SLIT3: variants seen among roughly 807,000 people sequenced by gnomAD.
The protein encoded by SLIT3 is slit homolog 3 protein.
SLIT3 carries 68 observed loss-of-function variants against 184.0 expected under a neutral mutation model. That is an observed-to-expected ratio of 0.37 (90% CI 0.30 to 0.45). The LOEUF (loss-of-function observed/expected upper bound fraction) is 0.45. Ranked by LOEUF, SLIT3 falls within the 20% of genes least tolerant of loss-of-function variation. SLIT3 has a pLI of 1.00. For missense variants in SLIT3, 1,707 were observed against 2,026.0 expected, an observed-to-expected ratio of 0.84 and a Z score of 3.02; for synonymous variants, 831 against 828.6, an observed-to-expected ratio of 1.00 and a Z score of -0.05.
chr5:169,040,702 G>A lies in SLIT3; in HGVS notation c.413+152777C>T, dbSNP rs930584077. The stretch of plus-strand genomic sequence containing the variant: ...GTCTTACCGATGTAGTAAGCTTTGC[G>A]TGATGGCACTGGATTAAAAATCTCC... On this transcript the variant is annotated intron_variant, in intron 4 of 35. Coordinates refer to ENST00000519560, the MANE Select transcript of SLIT3 (RefSeq NM_003062.4). 6.6e-5 allele frequency among the ~76,000 whole-genome samples: 10 copies of A among 152,176 alleles called. No homozygotes were observed. In the South Asian group the frequency reaches 1.4e-3, roughly 22 times the overall value.
chr5:169,194,868 G>A (rs1050986104), intron 3 of SLIT3, among the ~76,000 whole-genome samples: 1 of 152,184 alleles, frequency 6.6e-6, no homozygotes. Flanking sequence ...CTCCATGAAG[G>A]CTGCTTTCTT....
At chr5:169,090,134 G>T (rs1401500531) in intron 4 of SLIT3, among the ~76,000 whole-genome samples, 1 of 152,170 alleles carries the variant, frequency 6.6e-6, no homozygotes, top group African/African-American at 2.4e-5. Flanking sequence ...AAAGGGAACG[G>T]GTGATGTTAC....
chr5:168,762,912 C>T (rs1029961326), intron 14 of SLIT3, among the ~76,000 whole-genome samples: 1 of 152,152 alleles, frequency 6.6e-6, no homozygotes, highest in Non-Finnish European at 1.5e-5. Context: ...TATTCATCAC[C>T]ATCCTCAGGA....
intron 4 of SLIT3, among the ~76,000 whole-genome samples, chr5:169,077,091 C>G (rs1758773667): frequency 6.6e-6 from 1 of 152,164 alleles, no homozygotes; most frequent in South Asian, 2.1e-4. Flanking sequence ...AGAACAAACT[C>G]TCCTCTTCTT....
intron 4 of SLIT3, among the ~76,000 whole-genome samples, chr5:169,128,066 C>G (rs1382710933): frequency 6.6e-6 from 1 of 151,722 alleles, no homozygotes; most frequent in Admixed American, 6.6e-5. Flanking sequence ...AAATGAAAAA[C>G]TGTTATTTAT....
chr5:168,723,774 C>G (rs1336351209), intron 21 of SLIT3, among the ~76,000 whole-genome samples: 4 of 152,322 alleles, frequency 2.6e-5, no homozygotes, highest in Admixed American at 1.3e-4. Flanking sequence ...ACCTGGGGAG[C>G]TTTTAAATCC....
At chr5:168,948,085 C>T (rs1581235837) in intron 4 of SLIT3, among the ~76,000 whole-genome samples, 3 of 152,080 alleles carry the variant, frequency 2.0e-5, no homozygotes, top group Non-Finnish European at 1.5e-5. Context: ...AGCCACCATG[C>T]CTGGCCAAGT....
chr5:168,856,647 G>A (rs1179959922), intron 5 of SLIT3, among the ~76,000 whole-genome samples: 2 of 152,166 alleles, frequency 1.3e-5, no homozygotes, highest in Non-Finnish European at 2.9e-5. Context: ...GCATAAAATA[G>A]TGTGGGATTA....
At chr5:168,948,769 GC>G (rs143502933) in intron 4 of SLIT3, among the ~76,000 whole-genome samples, 2,120 of 152,266 alleles carry the variant, frequency 0.014, 47 homozygotes, top group African/African-American at 0.047. Flanking sequence ...TATTAGGGCT[GC>G]CCCCGGGTTA....
chr5:168,921,925 T>A (rs1761648488), intron 4 of SLIT3, among the ~76,000 whole-genome samples: 1 of 152,202 alleles, frequency 6.6e-6, no homozygotes, highest in African/African-American at 2.4e-5. Flanking sequence ...TGTAAATCAC[T>A]CTTAGGAAGT....
chr5:169,249,197 A>G (rs1256827242), intron 2 of SLIT3, among the ~76,000 whole-genome samples: 2 of 152,234 alleles, frequency 1.3e-5, no homozygotes, highest in East Asian at 3.8e-4. Context: ...CAGCTATTCC[A>G]CCAGGCAGAT....
intron 35 of SLIT3, among the ~76,000 whole-genome samples, chr5:168,669,540 G>A (rs1761169344): frequency 6.6e-6 from 1 of 152,216 alleles, no homozygotes; most frequent in African/African-American, 2.4e-5. Flanking sequence ...TAAAAAAAAT[G>A]TTTTTTGTGG....
At chr5:168,812,444 C>T (rs1263645702) in intron 8 of SLIT3, among the ~76,000 whole-genome samples, 2 of 152,110 alleles carry the variant, frequency 1.3e-5, no homozygotes, top group Admixed American at 1.3e-4. Context: ...ATTGAAACAT[C>T]ACACTGTACA....
chr5:168,930,138 G>A (rs1761942168), intron 4 of SLIT3, among the ~76,000 whole-genome samples: 1 of 152,174 alleles, frequency 6.6e-6, no homozygotes, highest in African/African-American at 2.4e-5. Context: ...TTCTCTAGGT[G>A]AAACAGCACC....
At chr5:168,685,606 G>A in intron 31 of SLIT3, 81 bp downstream of exon 31, 5 of 1,474,860 alleles carry the variant, frequency 3.4e-6, no homozygotes, top group Non-Finnish European at 4.5e-6. Context: ...GTTAAGATGG[G>A]GCATTCCAGC....
intron 32 of SLIT3, among the ~76,000 whole-genome samples, chr5:168,681,370 G>C (rs1262597710): frequency 6.6e-6 from 1 of 152,226 alleles, no homozygotes; most frequent in Non-Finnish European, 1.5e-5. Context: ...ATGAGTGAGA[G>C]TGTACTAATG....
intron 4 of SLIT3, among the ~76,000 whole-genome samples, chr5:168,898,915 T>G (rs1056728521): frequency 3.3e-5 from 5 of 152,132 alleles, no homozygotes; most frequent in Non-Finnish European, 1.5e-5. Flanking sequence ...GCCTCCACCC[T>G]GACAAAAGCC....
intron 15 of SLIT3, among the ~76,000 whole-genome samples, chr5:168,761,909 TAA>T (rs773306404): frequency 2.6e-4 from 33 of 127,836 alleles, no homozygotes; most frequent in East Asian, 4.5e-4. Context: ...GCCCAGCTAA[TAA>T]AAAAAAAAAA....
intron 8 of SLIT3, 99 bp downstream of exon 8, chr5:168,817,201 C>G: frequency 8.8e-7 from 1 of 1,135,390 alleles, no homozygotes; most frequent in South Asian, 1.4e-5. Context: ...ACACCAAGCT[C>G]TGGGCTAGGG....
Sources: gnomAD v4.1 joint callset for allele counts (sites outside exome capture counted in the v4.1 genomes callset) on GRCh38, gnomAD v4.1.1 for gene constraint, MANE v1.5 for transcripts, NCBI Gene and HGNC (gene_info 2026-07-23, HGNC 2026-07-21) for gene names.